Variants in RBFOX1 observed in about 807,000 individuals in gnomAD.
RBFOX1 encodes the protein RNA binding protein fox-1 homolog 1.
A neutral mutation model predicts 57.7 loss-of-function variants in RBFOX1; 8 were observed. The ratio of observed to expected loss-of-function variants is 0.14; its 90% CI spans 0.08 to 0.25. RBFOX1 has a LOEUF of 0.25. Ranked by LOEUF, RBFOX1 falls within the 10% of genes least tolerant of loss-of-function variation. The pLI is 1.00. For missense variants in RBFOX1, 611 were observed against 548.5 expected, an observed-to-expected ratio of 1.11 and a Z score of -1.14; for synonymous variants, 326 against 222.4, an observed-to-expected ratio of 1.47 and a Z score of -4.15.
At chr16:7,387,469 A>G (rs1289205235) in intron 4 of RBFOX1, among the ~76,000 whole-genome samples, 1 of 152,230 alleles carries the variant, frequency 6.6e-6, no homozygotes. Context: ...GCATAGATGT[A>G]CAATAGCTGT....
chr16:7,115,921 A>G (rs913935584), intron 4 of RBFOX1, among the ~76,000 whole-genome samples: 1 of 152,208 alleles, frequency 6.6e-6, no homozygotes, highest in African/African-American at 2.4e-5. Flanking sequence ...ATAATAGGCA[A>G]TGACACTTAT....
intron 3 of RBFOX1, among the ~76,000 whole-genome samples, chr16:6,794,546 T>C (rs1171782218): frequency 6.6e-6 from 1 of 152,140 alleles, no homozygotes; most frequent in Non-Finnish European, 1.5e-5. Flanking sequence ...TTTTAAGTGA[T>C]TGGTGCATGG....
At chr16:7,604,838 G>C (rs1291261414) in intron 9 of RBFOX1, among the ~76,000 whole-genome samples, 2 of 152,162 alleles carry the variant, frequency 1.3e-5, no homozygotes, top group East Asian at 1.9e-4. Flanking sequence ...GCAAAAGAAA[G>C]TATTTAAGGT....
chr16:5,925,906 C>T (rs936419464), intron 4 of RBFOX1, among the ~76,000 whole-genome samples: 1 of 152,114 alleles, frequency 6.6e-6, no homozygotes. Flanking sequence ...ACTTCTAAAC[C>T]TGATGGGCCA....
chr16:6,218,131 A>T (rs573318723), intron 1 of RBFOX1, among the ~76,000 whole-genome samples: 1 of 152,304 alleles, frequency 6.6e-6, no homozygotes, highest in Admixed American at 6.5e-5. Context: ...TCCCATACAC[A>T]TTATTTTTAA....
rs184311274 is a variant in RBFOX1 at position 5,890,659 on chromosome 16, T to C, written c.351+23324T>C. ...TTGCAGTGAGCCGAGATCATACCAC[T>C]GCACTCTAGCCTGGGTGACAGACAG... On this transcript the variant is annotated intron_variant, in intron 4 of 19. Transcript: ENST00000641259. Among the ~76,000 whole-genome samples the C allele has an allele frequency of 4.7e-3, 642 of 135,158 alleles. 4 individuals carry two copies. Among genetic ancestry groups the C allele is most frequent in the African/African-American group, 0.017 (597 of 35,512 alleles). The allele number at this position is 135,158 out of a possible 152,430, so 88.7% of individuals were successfully genotyped here.
At chr16:5,766,275 A>G (rs1344659099) in intron 3 of RBFOX1, among the ~76,000 whole-genome samples, 1 of 152,048 alleles carries the variant, frequency 6.6e-6, no homozygotes, top group Non-Finnish European at 1.5e-5. Flanking sequence ...AGAGAGGAGG[A>G]GGTATCATGC....
At chr16:5,493,605 C>A (rs941550385) in intron 2 of RBFOX1, among the ~76,000 whole-genome samples, 2 of 152,196 alleles carry the variant, frequency 1.3e-5, no homozygotes, top group Non-Finnish European at 2.9e-5. Context: ...CTATCATGGG[C>A]AAATGTAATA....
At chr16:7,304,846 C>G (rs1350909920) in intron 4 of RBFOX1, among the ~76,000 whole-genome samples, 3 of 151,574 alleles carry the variant, frequency 2.0e-5, no homozygotes, top group Non-Finnish European at 2.9e-5. Context: ...GGAGGCATTC[C>G]GGTGCCTGTA....
At chr16:6,794,682 A>G (rs961812469) in intron 3 of RBFOX1, among the ~76,000 whole-genome samples, 1 of 152,162 alleles carries the variant, frequency 6.6e-6, no homozygotes, top group Non-Finnish European at 1.5e-5. Context: ...TATGGTTCCA[A>G]TGTATGCATC....
At chr16:6,573,154 C>T (rs1017702595) in intron 2 of RBFOX1, among the ~76,000 whole-genome samples, 1 of 152,166 alleles carries the variant, frequency 6.6e-6, no homozygotes, top group Non-Finnish European at 1.5e-5. Context: ...GGTTTCACCA[C>T]TACCAGAGAC....
intron 3 of RBFOX1, among the ~76,000 whole-genome samples, chr16:5,739,894 T>TA (rs1458541117): frequency 2.6e-5 from 4 of 152,238 alleles, no homozygotes; most frequent in South Asian, 4.1e-4. Context: ...ATTAAAAATG[T>TA]AAAAAATAAT....
chr16:7,676,761 C>T lies in RBFOX1; in HGVS notation c.931-13C>T. 1.2e-6 allele frequency: 2 copies of T among 1,610,002 alleles called. No homozygotes were observed. Among genetic ancestry groups the T allele is most frequent in the Non-Finnish European group, 1.7e-6 (2 of 1,176,956 alleles). ...CGCTACATTCCTGAGTCACATTTCT[C>T]CTTGTGTTTTAGGGTGGTTATGCTG... On this transcript the variant is annotated splice_polypyrimidine_tract_variant and intron_variant, in intron 13 of 15. Transcript: ENST00000550418.
intron 1 of RBFOX1, among the ~76,000 whole-genome samples, chr16:6,286,474 G>A (rs952509428): frequency 3.9e-5 from 6 of 152,148 alleles, no homozygotes; most frequent in African/African-American, 1.4e-4. Context: ...TTCATACATT[G>A]GAAGTACTAG....
intron 1 of RBFOX1, among the ~76,000 whole-genome samples, chr16:5,257,449 T>G (rs964531257): frequency 9.2e-5 from 14 of 152,220 alleles, no homozygotes; most frequent in African/African-American, 3.4e-4. Flanking sequence ...AGCATCCTCC[T>G]GTGCACAAGG....
intron 4 of RBFOX1, among the ~76,000 whole-genome samples, chr16:7,298,866 C>A (rs542296222): frequency 3.3e-5 from 5 of 152,142 alleles, no homozygotes; most frequent in Non-Finnish European, 5.9e-5. Context: ...ACGAGGAAGA[C>A]AAGGGGTTGG....
intron 2 of RBFOX1, among the ~76,000 whole-genome samples, chr16:6,386,526 G>A (rs919222002): frequency 4.6e-5 from 7 of 152,104 alleles, no homozygotes; most frequent in African/African-American, 1.7e-4. Flanking sequence ...ACCTTTTCGA[G>A]CTTATATTTG....
intron 2 of RBFOX1, among the ~76,000 whole-genome samples, chr16:5,480,630 C>G (rs1403452211): frequency 6.6e-6 from 1 of 152,156 alleles, no homozygotes; most frequent in Non-Finnish European, 1.5e-5. Flanking sequence ...TCACCCATGG[C>G]TATGCTAGTG....
At chr16:5,567,212 G>T (rs868550321) in intron 2 of RBFOX1, among the ~76,000 whole-genome samples, 1 of 152,088 alleles carries the variant, frequency 6.6e-6, no homozygotes, top group Non-Finnish European at 1.5e-5. Context: ...CACAGCCCAT[G>T]GCCTTGCAGA....
Sources: gnomAD v4.1 joint callset for allele counts (sites outside exome capture counted in the v4.1 genomes callset) on GRCh38, gnomAD v4.1.1 for gene constraint, MANE v1.5 for transcripts, NCBI Gene and HGNC (gene_info 2026-07-23, HGNC 2026-07-21) for gene names.